Variants in CDK6 observed in about 807,000 individuals in gnomAD.
CDK6 encodes the protein cyclin-dependent kinase 6.
In CDK6, 6 loss-of-function variants were observed where a neutral mutation model predicts 37.1. The observed-to-expected ratio is 0.16, with a 90% CI of 0.09 to 0.32. The LOEUF (loss-of-function observed/expected upper bound fraction) is 0.32, where lower values mean the gene tolerates loss of function less well. Ranked by LOEUF, CDK6 falls within the 10% of genes least tolerant of loss-of-function variation. The pLI, the probability that CDK6 is intolerant of heterozygous loss-of-function variation, is 1.00. For missense variants in CDK6, 224 were observed against 418.9 expected, an observed-to-expected ratio of 0.53 and a Z score of 4.06; for synonymous variants, 160 against 161.3, an observed-to-expected ratio of 0.99 and a Z score of 0.06.
chr7:92,616,175 A>G (rs1477091897), intron 7 of CDK6, among the ~76,000 whole-genome samples: 1 of 152,124 alleles, frequency 6.6e-6, no homozygotes, highest in African/African-American at 2.4e-5. Flanking sequence ...ATGTCTATGC[A>G]TTCCAGTCTT....
intron 4 of CDK6, among the ~76,000 whole-genome samples, chr7:92,723,477 A>G (rs1315625887): frequency 6.6e-5 from 10 of 152,176 alleles, no homozygotes; most frequent in African/African-American, 2.4e-5. Flanking sequence ...CTAAAAATAC[A>G]TACCAGTTCA....
intron 5 of CDK6, among the ~76,000 whole-genome samples, chr7:92,655,010 T>C (rs1796662031): frequency 1.5e-5 from 1 of 66,848 alleles, no homozygotes; most frequent in South Asian, 3.2e-4. Flanking sequence ...GCCTGGATCA[T>C]TTTTTTTTTT....
chr7:92,772,614 AGCT>A (rs1044473007), intron 3 of CDK6, among the ~76,000 whole-genome samples: 18 of 151,452 alleles, frequency 1.2e-4, no homozygotes, highest in African/African-American at 4.1e-4. Context: ...GCAAGCCTCC[AGCT>A]CCATCCTGGC....
At chr7:92,760,422 G>A (rs918052468) in intron 3 of CDK6, among the ~76,000 whole-genome samples, 4 of 152,100 alleles carry the variant, frequency 2.6e-5, no homozygotes, top group Non-Finnish European at 5.9e-5. Context: ...TGTTGCCTAA[G>A]AGCAAAGGAA....
Position 92,787,273 on chromosome 7 carries a change from T to C in CDK6, c.234-12442A>G, listed in dbSNP as rs149151919. 7.4e-3 allele frequency among the ~76,000 whole-genome samples: 1,128 copies of C among 151,756 alleles called. 17 individuals are homozygous for C. The highest frequency in any genetic ancestry group is 0.026 in the African/African-American group (1,083 of 41,422). On this transcript the variant is annotated intron_variant, in intron 2 of 7. Coordinates refer to ENST00000424848, the MANE Select transcript of CDK6 (RefSeq NM_001145306.2). Reference sequence around the variant, plus strand: ...ATGGTTGTTTTCTGCTATTTGCTCATCTAAACTTTCTACTGTGAGAACCTA... The same window carrying C: ...ATGGTTGTTTTCTGCTATTTGCTCACCTAAACTTTCTACTGTGAGAACCTA...
intron 3 of CDK6, among the ~76,000 whole-genome samples, chr7:92,763,197 T>G (rs951076849): frequency 6.6e-6 from 1 of 152,210 alleles, no homozygotes; most frequent in African/African-American, 2.4e-5. Flanking sequence ...AGAAGAAAAT[T>G]AGATTCTGAG....
chr7:92,622,905 T>A, intron 6 of CDK6, 131 bp downstream of exon 6: 1 of 636,348 alleles, frequency 1.6e-6, no homozygotes. Flanking sequence ...ACACAAATAG[T>A]AACACTGTCT....
In CDK6 at chr7:92,610,541, A is replaced by C. The variant is rs1562908317; in HGVS notation, c.*4599T>G. On this transcript the variant is annotated 3_prime_UTR_variant, in exon 8 of 8. Coordinates refer to ENST00000424848, the MANE Select transcript of CDK6 (RefSeq NM_001145306.2). The stretch of plus-strand genomic sequence containing the variant: ...AGGATTATTTTTGGTTTATTTTCTG[A>C]AAAAGTACAAGATAGAAATGCTTGA... 1 of 229,290 alleles carries C rather than the reference A, an allele frequency of 4.4e-6. No homozygotes were observed. Among genetic ancestry groups the C allele is most frequent in the Non-Finnish European group, 8.6e-6 (1 of 115,628 alleles). 14.2% of individuals were successfully genotyped at this position (229,290 alleles called of 1,614,324 possible).
intron 5 of CDK6, among the ~76,000 whole-genome samples, chr7:92,656,362 C>T (rs980834483): frequency 1.3e-5 from 2 of 152,136 alleles, no homozygotes; most frequent in Non-Finnish European, 2.9e-5. Flanking sequence ...CAGACCACTC[C>T]ACAGCAAGGG....
intron 4 of CDK6, among the ~76,000 whole-genome samples, chr7:92,717,491 GAAAGA>G (rs1033536117): frequency 5.3e-5 from 8 of 150,710 alleles, no homozygotes; most frequent in South Asian, 2.1e-4. Context: ...AGAAAGAAAA[GAAAGA>G]AAAGAAAAGA....
chr7:92,706,972 A>G (rs1009059798), intron 4 of CDK6, among the ~76,000 whole-genome samples: 6 of 152,262 alleles, frequency 3.9e-5, no homozygotes, highest in Admixed American at 3.9e-4. Context: ...CATTTCAGGA[A>G]TACCAGAAAC....
At chr7:92,742,832 T>G (rs997734665) in intron 3 of CDK6, among the ~76,000 whole-genome samples, 1 of 152,188 alleles carries the variant, frequency 6.6e-6, no homozygotes, top group Non-Finnish European at 1.5e-5. Flanking sequence ...AAAGCCTAGC[T>G]ATGAGGCTTC....
chr7:92,801,102 G>A (rs572176743), intron 2 of CDK6, among the ~76,000 whole-genome samples: 1 of 152,160 alleles, frequency 6.6e-6, no homozygotes, highest in East Asian at 1.9e-4. Flanking sequence ...AACATGAATT[G>A]TGTGAGAAAA....
intron 4 of CDK6, among the ~76,000 whole-genome samples, chr7:92,711,471 G>C (rs760001895): frequency 7.0e-6 from 1 of 143,094 alleles, no homozygotes; most frequent in African/African-American, 2.6e-5. Context: ...TTAACAAACT[G>C]TTAATAGTGG....
At chr7:92,744,150 C>G (rs1440493376) in intron 3 of CDK6, among the ~76,000 whole-genome samples, 2 of 152,156 alleles carry the variant, frequency 1.3e-5, no homozygotes, top group African/African-American at 4.8e-5. Context: ...GGCACAGAGA[C>G]TGTATTAGTC....
At chr7:92,715,252 T>C (rs191914593) in intron 4 of CDK6, among the ~76,000 whole-genome samples, 34 of 152,126 alleles carry the variant, frequency 2.2e-4, no homozygotes, top group East Asian at 2.1e-3. Context: ...AAAATGAATC[T>C]TGTAACTTTA....
intron 3 of CDK6, among the ~76,000 whole-genome samples, chr7:92,736,370 A>T (rs1335541432): frequency 1.3e-5 from 2 of 152,132 alleles, no homozygotes; most frequent in Non-Finnish European, 2.9e-5. Context: ...ACCTGAATAG[A>T]GTGTCCCAAG....
intron 3 of CDK6, among the ~76,000 whole-genome samples, chr7:92,742,671 G>A (rs1262375105): frequency 2.7e-5 from 4 of 150,570 alleles, no homozygotes; most frequent in African/African-American, 4.9e-5. Flanking sequence ...CTTCTTTAAA[G>A]TTTGTAAACT....
chr7:92,688,603 A>T (rs1797523473), intron 4 of CDK6, among the ~76,000 whole-genome samples: 1 of 151,084 alleles, frequency 6.6e-6, no homozygotes, highest in Non-Finnish European at 1.5e-5. Flanking sequence ...ACACACACAC[A>T]CACACACACA....
Sources: allele counts gnomAD v4.1 joint callset (sites outside exome capture counted in the v4.1 genomes callset), GRCh38; gene constraint gnomAD v4.1.1; transcripts MANE v1.5; gene names NCBI Gene and HGNC (gene_info 2026-07-23, HGNC 2026-07-21).